TENM1: variants seen among roughly 807,000 people sequenced by gnomAD.
The protein encoded by TENM1 is teneurin-1.
A neutral mutation model predicts 174.8 loss-of-function variants in TENM1; 35 were observed. The observed-to-expected ratio is 0.20, with a 90% CI of 0.15 to 0.27. The LOEUF (loss-of-function observed/expected upper bound fraction) is 0.27, where lower values mean the gene tolerates loss of function less well. Ranked by LOEUF, TENM1 falls within the 10% of genes least tolerant of loss-of-function variation. The pLI is 1.00. For missense variants in TENM1, 1,633 were observed against 2,130.1 expected, an observed-to-expected ratio of 0.77 and a Z score of 4.59; for synonymous variants, 781 against 798.7, an observed-to-expected ratio of 0.98 and a Z score of 0.37.
At chrX:124,406,354 G>A (rs202037521) in exon 26 of TENM1, 2 of 1,208,028 alleles carry the variant, frequency 1.7e-6, no homozygotes, top group African/African-American at 3.5e-5. Flanking sequence ...TTGCCGTCAA[G>A]TTGGTTGACA....
intron 2 of TENM1, 121 bp from the exon 6 acceptor site, chrX:124,894,473 T>C (rs1603265394): frequency 2.1e-6 from 1 of 478,151 alleles, no homozygotes; most frequent in East Asian, 3.8e-5. Flanking sequence ...TGCAATATAA[T>C]TCACATATGT....
At chrX:124,878,799 A>G (rs1361673898) in intron 3 of TENM1, among the ~76,000 whole-genome samples, 1 of 111,492 alleles carries the variant, frequency 9.0e-6, no homozygotes, top group African/African-American at 3.3e-5. Flanking sequence ...TAGGTGCCTA[A>G]CCCTACAAGT....
At chrX:125,156,208 C>G in the TENM1 span, among the ~76,000 whole-genome samples, 3 of 112,099 alleles carry the variant, frequency 2.7e-5, no homozygotes, top group Non-Finnish European at 5.6e-5. Context: ...GAGATCATCT[C>G]TTTTGTAACC....
chrX:124,430,305 A>G (rs2060765567), intron 23 of TENM1, among the ~76,000 whole-genome samples: 1 of 111,688 alleles, frequency 9.0e-6, no homozygotes. Context: ...CTCCCTAGAA[A>G]AAGGCTTCAA....
At chrX:125,127,030 T>C in the TENM1 span, among the ~76,000 whole-genome samples, 3 of 111,780 alleles carry the variant, frequency 2.7e-5, no homozygotes, top group Non-Finnish European at 3.8e-5. Context: ...TCATTGTCTA[T>C]GAACTCTCAT....
intron 25 of TENM1, among the ~76,000 whole-genome samples, chrX:124,414,919 AC>A (rs2060577750): frequency 9.0e-6 from 1 of 111,105 alleles, no homozygotes; most frequent in South Asian, 3.8e-4. Context: ...TTATACTTCC[AC>A]CTGTGCAAAC....
At chrX:124,555,097 C>T (rs978648271) in intron 14 of TENM1, among the ~76,000 whole-genome samples, 2 of 111,771 alleles carry the variant, frequency 1.8e-5, no homozygotes, top group African/African-American at 6.5e-5. Flanking sequence ...GAAATGGAAT[C>T]TTTGTATGGT....
At chrX:125,035,485 G>A in the TENM1 span, among the ~76,000 whole-genome samples, 1 of 111,629 alleles carries the variant, frequency 9.0e-6, no homozygotes, top group African/African-American at 3.2e-5. Flanking sequence ...CTTTGGTGTT[G>A]AATATAACTA....
intron 3 of TENM1, among the ~76,000 whole-genome samples, chrX:124,823,331 G>C (rs2056082954): frequency 8.9e-6 from 1 of 111,981 alleles, no homozygotes; most frequent in Non-Finnish European, 1.9e-5. Context: ...TTGAGCTAAA[G>C]CTGATCCTCA....
the TENM1 span, among the ~76,000 whole-genome samples, chrX:125,029,707 G>A: frequency 4.5e-5 from 5 of 111,900 alleles, no homozygotes; most frequent in East Asian, 1.1e-3. Context: ...TCTCCCCATA[G>A]GAAACACAGG....
At chrX:124,968,736 G>T (rs2147834830), upstream of TENM1, among the ~76,000 whole-genome samples, 1 of 111,631 alleles carries the variant, frequency 9.0e-6, no homozygotes, top group South Asian at 3.8e-4. Flanking sequence ...CAGGTGACAA[G>T]GAAAACTTTC....
At chrX:124,641,861 G>A (rs768785681) in exon 11 of TENM1, 11 of 1,209,766 alleles carry the variant, frequency 9.1e-6, no homozygotes, top group East Asian at 3.0e-5. Flanking sequence ...GAAAAGTTCC[G>A]TGTCCTGAGC....
intron 23 of TENM1, among the ~76,000 whole-genome samples, chrX:124,427,629 C>T (rs942220515): frequency 5.4e-5 from 6 of 111,819 alleles, no homozygotes; most frequent in African/African-American, 1.9e-4. Flanking sequence ...GAAGCTGGAC[C>T]TCTTCACCTC....
chrX:125,007,230 C>A, the TENM1 span, among the ~76,000 whole-genome samples: 1 of 111,094 alleles, frequency 9.0e-6, no homozygotes, highest in Non-Finnish European at 1.9e-5. Flanking sequence ...TCGTGAAGCA[C>A]ACACAAGTAT....
chrX:124,381,420 T>TA, intron 31 of TENM1, 126 bp from the exon 35 acceptor site: 3 of 619,889 alleles, frequency 4.8e-6, no homozygotes, highest in Non-Finnish European at 7.3e-6. Context: ...GTGAGTGATT[T>TA]AAAAATAAGC....
Position 124,586,017 on chromosome X carries a change from A to T in TENM1, c.2078-20457T>A, listed in dbSNP as rs192376548. Among the ~76,000 whole-genome samples, 109 of 110,562 alleles carry T rather than the reference A, an allele frequency of 9.9e-4. 1 individual carries two copies. The highest frequency in any genetic ancestry group is 3.4e-3 in the African/African-American group (103 of 29,865). On this transcript the variant is annotated intron_variant, in intron 11 of 31. Transcript: ENST00000422452. ...AGGTGACTCTCTGAATAGACCAATA[A>T]CAGGCTCTGAAATTGTGGCAATAAC...
chrX:124,404,946 T>C, intron 27 of TENM1, 85 bp downstream of exon 30: 1 of 813,407 alleles, frequency 1.2e-6, no homozygotes, highest in African/African-American at 2.4e-5. Context: ...AGGGAGGCTC[T>C]GCAGTTAAAC....
At chrX:125,022,696 C>A in the TENM1 span, among the ~76,000 whole-genome samples, 1 of 111,056 alleles carries the variant, frequency 9.0e-6, no homozygotes, top group African/African-American at 3.3e-5. Context: ...CATCATCGAG[C>A]CTAATTAATT....
At chrX:124,547,751 A>C (rs1242550573) in intron 14 of TENM1, among the ~76,000 whole-genome samples, 1 of 112,363 alleles carries the variant, frequency 8.9e-6, no homozygotes, top group Non-Finnish European at 1.9e-5. Context: ...AAGCATACTA[A>C]AGTTGCAGAA....
Sources: allele counts gnomAD v4.1 joint callset (sites outside exome capture counted in the v4.1 genomes callset), GRCh38; gene constraint gnomAD v4.1.1; transcripts MANE v1.5; gene names NCBI Gene and HGNC (gene_info 2026-07-23, HGNC 2026-07-21).